The following FAM13C variants were observed in gnomAD, a reference collection of about 807,000 sequenced individuals.
The protein encoded by FAM13C is protein FAM13C.
Under a neutral mutation model 73.2 loss-of-function variants are expected in FAM13C, and 37 were observed. The observed-to-expected ratio is 0.51, with a 90% CI of 0.39 to 0.67. FAM13C has a LOEUF of 0.67. Among genes scored for constraint, FAM13C ranks in the 30% least tolerant of loss-of-function variants. The probability of loss-of-function intolerance (pLI) is 0.00; values close to 1 mark genes in which losing one functional copy is unlikely to be tolerated. For synonymous variants in FAM13C, 246 were observed against 260.9 expected (o/e 0.94, Z 0.55); for missense variants, 589 against 715.6 (o/e 0.82, Z 2.02).
At chr10:59,309,530 C>T (rs1316287596) in intron 4 of FAM13C, among the ~76,000 whole-genome samples, 1 of 152,208 alleles carries the variant, frequency 6.6e-6, no homozygotes, top group Admixed American at 6.5e-5. Context: ...ATGCACCATG[C>T]TCCTTTCCAG....
chr10:59,339,120 G>A (rs1439324189), intron 3 of FAM13C, among the ~76,000 whole-genome samples: 1 of 152,004 alleles, frequency 6.6e-6, no homozygotes, highest in Admixed American at 6.6e-5. Context: ...CTTATTCCCT[G>A]CATGTCTCTC....
intron 4 of FAM13C, among the ~76,000 whole-genome samples, chr10:59,316,135 A>G (rs1232845180): frequency 1.3e-5 from 2 of 152,054 alleles, no homozygotes; most frequent in Non-Finnish European, 2.9e-5. Context: ...GGGTTTCACC[A>G]TGTTGGCCAG....
intron 1 of FAM13C, among the ~76,000 whole-genome samples, chr10:59,358,721 T>C (rs532935668): frequency 1.5e-3 from 226 of 152,326 alleles, no homozygotes; most frequent in Non-Finnish European, 2.9e-3. Context: ...TTATTAATCT[T>C]TCTCCTCAAA....
At chr10:59,262,404 C>A in intron 10 of FAM13C, 30 bp downstream of exon 10, 1 of 1,590,806 alleles carries the variant, frequency 6.3e-7, no homozygotes, top group Non-Finnish European at 8.6e-7. Context: ...ACTACAGGGG[C>A]CCTCTATATA....
At chr10:59,253,950 A>T in intron 11 of FAM13C, 1 of 187,528 alleles carries the variant, frequency 5.3e-6, no homozygotes, top group Non-Finnish European at 1.1e-5. Context: ...ATGTTGCATT[A>T]TATCAAGAAT....
intron 3 of FAM13C, among the ~76,000 whole-genome samples, chr10:59,340,932 G>A (rs964687932): frequency 1.3e-5 from 2 of 151,964 alleles, no homozygotes; most frequent in African/African-American, 4.8e-5. Context: ...TGGGTCTTCA[G>A]AGGACCACGC....
At chr10:59,263,611 G>T (rs1842734241) in intron 9 of FAM13C, among the ~76,000 whole-genome samples, 2 of 152,108 alleles carry the variant, frequency 1.3e-5, no homozygotes, top group South Asian at 2.1e-4. Flanking sequence ...CATCTCCAGA[G>T]AAAGACAGAA....
At chr10:59,302,265 A>G (rs1235330097) in intron 5 of FAM13C, among the ~76,000 whole-genome samples, 1 of 152,350 alleles carries the variant, frequency 6.6e-6, no homozygotes, top group East Asian at 1.9e-4. Context: ...TATTCCAAAG[A>G]AAATCCAGAA....
At chr10:59,268,145 A>G (rs1589395906) in intron 8 of FAM13C, among the ~76,000 whole-genome samples, 1 of 152,056 alleles carries the variant, frequency 6.6e-6, no homozygotes, top group Non-Finnish European at 1.5e-5. Context: ...CTGTTCCACA[A>G]TTGGAGACCC....
intron 3 of FAM13C, among the ~76,000 whole-genome samples, chr10:59,344,597 A>T (rs57100591): frequency 0.16 from 24,366 of 152,070 alleles, 2,228 homozygotes; most frequent in East Asian, 0.32. Flanking sequence ...ACTACTTCTA[A>T]TCCCCTAAAA....
chr10:59,334,536 A>G (rs952237650), intron 3 of FAM13C, among the ~76,000 whole-genome samples: 1 of 152,214 alleles, frequency 6.6e-6, no homozygotes, highest in Non-Finnish European at 1.5e-5. Flanking sequence ...AGACTGGATT[A>G]AGAAAACGTG....
chr10:59,261,732 CAG>C (rs974762931), intron 10 of FAM13C, among the ~76,000 whole-genome samples: 56 of 152,062 alleles, frequency 3.7e-4, no homozygotes, highest in African/African-American at 1.1e-3. Context: ...AGGGTTGAGA[CAG>C]GGGACTACAA....
intron 7 of FAM13C, among the ~76,000 whole-genome samples, chr10:59,268,930 A>T (rs1381910967): frequency 6.6e-6 from 1 of 152,178 alleles, no homozygotes; most frequent in Non-Finnish European, 1.5e-5. Context: ...AGTCCAGGAA[A>T]TGTGTTTTGT....
chr10:59,337,015 A>T (rs951667489), intron 3 of FAM13C, among the ~76,000 whole-genome samples: 3 of 151,728 alleles, frequency 2.0e-5, no homozygotes, highest in African/African-American at 7.3e-5. Context: ...CAGCTTAGAA[A>T]ACCTCCCTCC....
At chr10:59,337,682 T>C (rs1257673784) in intron 3 of FAM13C, among the ~76,000 whole-genome samples, 2 of 137,222 alleles carry the variant, frequency 1.5e-5, no homozygotes, top group African/African-American at 2.7e-5. Flanking sequence ...TTTTTTTTTT[T>C]TTTTTTTTTT....
intron 4 of FAM13C, among the ~76,000 whole-genome samples, chr10:59,303,671 T>C (rs1420185492): frequency 6.6e-6 from 1 of 152,136 alleles, no homozygotes; most frequent in African/African-American, 2.4e-5. Flanking sequence ...TGTGGCAGTG[T>C]TGGGAGGTGG....
intron 3 of FAM13C, among the ~76,000 whole-genome samples, chr10:59,331,843 C>T (rs1014737761): frequency 1.3e-5 from 2 of 152,092 alleles, no homozygotes; most frequent in East Asian, 1.9e-4. Flanking sequence ...GATGGTGATG[C>T]CAAATCTCTA....
chr10:59,325,998 C>T (rs964873328), intron 3 of FAM13C, among the ~76,000 whole-genome samples: 35 of 151,900 alleles, frequency 2.3e-4, no homozygotes, highest in African/African-American at 8.2e-4. Context: ...TCAAAAATGC[C>T]CATTTTATTA....
At chr10:59,339,353 G>C (rs1007253609) in intron 3 of FAM13C, among the ~76,000 whole-genome samples, 1 of 152,056 alleles carries the variant, frequency 6.6e-6, no homozygotes, top group African/African-American at 2.4e-5. Flanking sequence ...ATTCCCTATA[G>C]GGAGATTTCA....
Sources: gnomAD v4.1 joint callset for allele counts (sites outside exome capture counted in the v4.1 genomes callset) on GRCh38, gnomAD v4.1.1 for gene constraint, MANE v1.5 for transcripts, NCBI Gene and HGNC (gene_info 2026-07-23, HGNC 2026-07-21) for gene names.